Variants in ERBB4 observed in about 807,000 individuals in gnomAD.
The protein encoded by ERBB4 is receptor tyrosine-protein kinase erbB-4.
Under a neutral mutation model 158.0 loss-of-function variants are expected in ERBB4, and 42 were observed. That is an observed-to-expected ratio of 0.27 (90% CI 0.21 to 0.34). The LOEUF (loss-of-function observed/expected upper bound fraction) is 0.34. Ranked by LOEUF, ERBB4 falls within the 10% of genes least tolerant of loss-of-function variation. The pLI, the probability that ERBB4 is intolerant of heterozygous loss-of-function variation, is 1.00. For synonymous variants in ERBB4, 583 were observed against 558.7 expected (o/e 1.04, Z -0.61); for missense variants, 1,333 against 1,624.1 (o/e 0.82, Z 3.08).
intron 3 of ERBB4, among the ~76,000 whole-genome samples, chr2:211,809,011 C>T (rs2076686157): frequency 6.6e-6 from 1 of 152,166 alleles, no homozygotes; most frequent in East Asian, 1.9e-4. Context: ...TGCCTAACAG[C>T]TTAAGGAGAT....
At chr2:212,236,867 A>G (rs552534225) in intron 1 of ERBB4, among the ~76,000 whole-genome samples, 155 of 152,066 alleles carry the variant, frequency 1.0e-3, no homozygotes, top group African/African-American at 3.5e-3. Context: ...TTTCTTCTTT[A>G]TTAGTCTGGC....
intron 20 of ERBB4, among the ~76,000 whole-genome samples, chr2:211,491,764 G>A (rs947490418): frequency 6.6e-6 from 1 of 151,930 alleles, no homozygotes; most frequent in Non-Finnish European, 1.5e-5. Context: ...CAATGGAAAC[G>A]TTTGAAATGT....
At chr2:212,243,384 T>G (rs2084187503) in intron 1 of ERBB4, among the ~76,000 whole-genome samples, 1 of 152,172 alleles carries the variant, frequency 6.6e-6, no homozygotes, top group African/African-American at 2.4e-5. Context: ...TAAGAAGAAA[T>G]TTAATTGTTT....
Position 211,528,011 on chromosome 2 carries a change from G to T in ERBB4, c.2487+33892C>A, listed in dbSNP as rs114025002. 1.0e-2 allele frequency among the ~76,000 whole-genome samples: 1,517 copies of T among 151,926 alleles called. 19 individuals carry two copies. The highest frequency in any genetic ancestry group is 0.017 in the Non-Finnish European group (1,127 of 67,852). The stretch of plus-strand genomic sequence containing the variant: ...TAAAATAGCAGGAGTAAGTCCTTAC[G>T]GACAATAACATTGAATATAAAAGGA... On this transcript the variant is annotated intron_variant, in intron 20 of 27. Transcript: ENST00000342788.
intron 3 of ERBB4, among the ~76,000 whole-genome samples, chr2:211,856,563 A>G (rs2077869797): frequency 6.7e-6 from 1 of 148,372 alleles, no homozygotes; most frequent in African/African-American, 2.5e-5. Flanking sequence ...TTTTTTTTTT[A>G]TTTTCAGTAG....
rs35696520 is a variant in ERBB4 at position 211,515,912 on chromosome 2, A to ATATATATATATATATATATTT, written c.2487+45990_2487+45991insAAATATATATATATATATATA. ...AAACATATATTATATATATATATAT[A>ATATATATATATATATATATTT]TTTTTTTTTTTTTTTTTTTTGAGGC... is the stretch of plus-strand genomic sequence containing the variant. On this transcript the variant is annotated intron_variant, in intron 20 of 27. Transcript: ENST00000342788. Among the ~76,000 whole-genome samples the ATATATATATATATATATATTT allele has an allele frequency of 1.6e-3, 129 of 78,956 alleles. 2 individuals carry two copies. The highest frequency in any genetic ancestry group is 2.5e-3 in the Non-Finnish European group (106 of 41,792). The allele number at this position is 78,956 out of a possible 152,430, so 51.8% of individuals were successfully genotyped here. A position where few individuals can be genotyped will look rare whatever the true frequency, so the allele number is the denominator to read the frequency against.
chr2:212,047,364 T>A (rs1346966202), intron 2 of ERBB4, among the ~76,000 whole-genome samples: 1 of 152,188 alleles, frequency 6.6e-6, no homozygotes, highest in Non-Finnish European at 1.5e-5. Flanking sequence ...ACTACAAATA[T>A]GTTTCACGAA....
At chr2:212,161,990 A>T (rs938668649) in intron 1 of ERBB4, among the ~76,000 whole-genome samples, 1 of 151,894 alleles carries the variant, frequency 6.6e-6, no homozygotes, top group African/African-American at 2.4e-5. Flanking sequence ...TATTGTGAGA[A>T]TATAAAGTGT....
chr2:212,479,780 C>A (rs148984549), intron 1 of ERBB4, among the ~76,000 whole-genome samples: 2,476 of 152,102 alleles, frequency 0.016, 26 homozygotes, highest in Middle Eastern at 0.027. Context: ...TTGGTGGAAA[C>A]CATTAGCTCT....
chr2:211,621,782 TCTCC>T (rs981770316), intron 18 of ERBB4, among the ~76,000 whole-genome samples: 1 of 152,214 alleles, frequency 6.6e-6, no homozygotes, highest in African/African-American at 2.4e-5. Context: ...TCTCTTTTTT[TCTCC>T]CTATTTCTGT....
At chr2:212,334,016 CACTT>C (rs1646547050) in intron 1 of ERBB4, among the ~76,000 whole-genome samples, 1 of 152,006 alleles carries the variant, frequency 6.6e-6, no homozygotes, top group South Asian at 2.1e-4. Context: ...ATATTCCACT[CACTT>C]AAAATTATAC....
intron 19 of ERBB4, among the ~76,000 whole-genome samples, chr2:211,585,324 C>A (rs1310695701): frequency 7.5e-6 from 1 of 133,028 alleles, no homozygotes; most frequent in African/African-American, 2.7e-5. Context: ...TGCACTCCAG[C>A]CTGGGCGAGA....
Position 211,383,632 on chromosome 2 carries a change from G to A in ERBB4, c.3910C>T (p.Arg1304Trp), listed in dbSNP as rs879163362. 8 of 1,613,078 alleles carry A rather than the reference G, an allele frequency of 5.0e-6. No individual in the cohort carries two copies. Among genetic ancestry groups the A allele is most frequent in the African/African-American group, 1.3e-5 (1 of 74,866 alleles). ...AACTGAGCTTACACCACAGTATTCC[G>A]GTGTCTGTAAGGTGGAGGCGGCAGC... ...TVLPPPPYRH[R>W]NTVV The change falls in exon 28 of 28, where the codon CGG (arginine) becomes TGG (tryptophan). Residue 1304 changes from arginine to tryptophan, a missense_variant. Coordinates refer to ENST00000342788, the MANE Select transcript of ERBB4 (RefSeq NM_005235.3).
intron 2 of ERBB4, among the ~76,000 whole-genome samples, chr2:212,046,235 T>A (rs1277280435): frequency 6.6e-6 from 1 of 152,100 alleles, no homozygotes; most frequent in Non-Finnish European, 1.5e-5. Flanking sequence ...GGAAATAGAA[T>A]CACAGCAGTT....
chr2:212,074,104 T>C (rs566566574), intron 2 of ERBB4, among the ~76,000 whole-genome samples: 3 of 152,150 alleles, frequency 2.0e-5, no homozygotes, highest in African/African-American at 7.2e-5. Context: ...AGTCAAATAG[T>C]GTAGGCAAAA....
intron 2 of ERBB4, among the ~76,000 whole-genome samples, chr2:212,059,247 C>A (rs2077680710): frequency 6.6e-6 from 1 of 152,100 alleles, no homozygotes; most frequent in Non-Finnish European, 1.5e-5. Context: ...ATGTGAAGGA[C>A]CTCTTCAAGG....
chr2:212,400,471 A>C (rs2091168472), intron 1 of ERBB4, among the ~76,000 whole-genome samples: 1 of 152,164 alleles, frequency 6.6e-6, no homozygotes, highest in African/African-American at 2.4e-5. Context: ...TATAGAATAC[A>C]AATAACTTCA....
intron 3 of ERBB4, among the ~76,000 whole-genome samples, chr2:211,930,404 T>G (rs967431605): frequency 6.6e-6 from 1 of 152,112 alleles, no homozygotes; most frequent in Non-Finnish European, 1.5e-5. Context: ...ATGAAGTAAG[T>G]CTAAACACTT....
chr2:211,653,227 T>C (rs2105888026), intron 16 of ERBB4, among the ~76,000 whole-genome samples: 1 of 152,252 alleles, frequency 6.6e-6, no homozygotes, highest in South Asian at 2.1e-4. Context: ...TTCTAAAATA[T>C]CAAGTATTAT....
Sources: allele counts gnomAD v4.1 joint callset (sites outside exome capture counted in the v4.1 genomes callset), GRCh38; gene constraint gnomAD v4.1.1; transcripts MANE v1.5; gene names NCBI Gene and HGNC (gene_info 2026-07-23, HGNC 2026-07-21).